Variants in IMMP2L observed in about 807,000 individuals in gnomAD.
IMMP2L encodes the protein inner mitochondrial membrane peptidase subunit 2, also known as mitochondrial inner membrane protease subunit 2.
In IMMP2L, 18 loss-of-function variants were observed where a neutral mutation model predicts 19.3. That is an observed-to-expected ratio of 0.93 (90% CI 0.64 to 1.38). IMMP2L has a LOEUF of 1.38. Ranked by LOEUF, IMMP2L falls within the 40% of genes most tolerant of loss-of-function variation. The probability of loss-of-function intolerance (pLI) is 0.00; values close to 1 mark genes in which losing one functional copy is unlikely to be tolerated. For missense variants in IMMP2L, 233 were observed against 218.2 expected, an observed-to-expected ratio of 1.07 and a Z score of -0.43; for synonymous variants, 76 against 73.0, an observed-to-expected ratio of 1.04 and a Z score of -0.21.
At chr7:110,891,490 GCTGACAAGAACC>G (rs1810793991) in intron 4 of IMMP2L, among the ~76,000 whole-genome samples, 3 of 152,134 alleles carry the variant, frequency 2.0e-5, no homozygotes, top group Admixed American at 1.3e-4. Flanking sequence ...ATAAATCCCA[GCTGACAAGAACC>G]CACAATCCAA....
intron 4 of IMMP2L, among the ~76,000 whole-genome samples, chr7:110,920,480 AG>A (rs1814142489): frequency 1.3e-5 from 2 of 152,290 alleles, no homozygotes; most frequent in South Asian, 4.2e-4. Flanking sequence ...AATGCTTTAA[AG>A]TTTTTGAAAG....
intron 5 of IMMP2L, among the ~76,000 whole-genome samples, chr7:110,819,105 A>G (rs1802802127): frequency 8.4e-6 from 1 of 119,000 alleles, no homozygotes; most frequent in Non-Finnish European, 2.0e-5. Flanking sequence ...AACTTAAAGT[A>G]TAATAATAAC....
intron 3 of IMMP2L, among the ~76,000 whole-genome samples, chr7:111,179,435 C>T (rs1366886680): frequency 6.6e-6 from 1 of 151,822 alleles, no homozygotes; most frequent in East Asian, 1.9e-4. Flanking sequence ...TATGTGTGGC[C>T]CAAGACCATT....
chr7:110,799,032 CTTG>C (rs1801062587), intron 5 of IMMP2L, among the ~76,000 whole-genome samples: 1 of 151,818 alleles, frequency 6.6e-6, no homozygotes, highest in Non-Finnish European at 1.5e-5. Flanking sequence ...GTCAGTTAAG[CTTG>C]TTGTTTTCTA....
chr7:111,135,687 T>C (rs1018729697), intron 3 of IMMP2L, among the ~76,000 whole-genome samples: 1 of 152,220 alleles, frequency 6.6e-6, no homozygotes, highest in Non-Finnish European at 1.5e-5. Flanking sequence ...TTAGTATATT[T>C]TATTGCAGAA....
chr7:110,887,558 T>C (rs1810345837), intron 4 of IMMP2L, among the ~76,000 whole-genome samples: 3 of 149,774 alleles, frequency 2.0e-5, no homozygotes, highest in South Asian at 4.2e-4. Context: ...AATTTATTCA[T>C]TACAAGGGGT....
chr7:110,677,170 T>C (rs1792365315), intron 5 of IMMP2L, among the ~76,000 whole-genome samples: 1 of 152,158 alleles, frequency 6.6e-6, no homozygotes, highest in African/African-American at 2.4e-5. Flanking sequence ...AAATGATTCC[T>C]TTAATAAATA....
chr7:111,207,719 A>G (rs573590290), intron 3 of IMMP2L, among the ~76,000 whole-genome samples: 52 of 151,744 alleles, frequency 3.4e-4, no homozygotes, highest in African/African-American at 1.1e-3. Context: ...TATTTTTAGT[A>G]GAGACAAGGT....
chr7:110,761,264 C>T (rs144157593), intron 5 of IMMP2L, among the ~76,000 whole-genome samples: 12 of 152,190 alleles, frequency 7.9e-5, no homozygotes, highest in African/African-American at 2.4e-4. Flanking sequence ...TGGTAAAAAA[C>T]GAAAATATAG....
At chr7:111,214,439 T>G (rs1156759292) in intron 3 of IMMP2L, among the ~76,000 whole-genome samples, 1 of 140,838 alleles carries the variant, frequency 7.1e-6, no homozygotes, top group Non-Finnish European at 1.5e-5. Flanking sequence ...GCCTCCTGGG[T>G]TCAAGTGATT....
chr7:110,787,844 G>A (rs1800186735), intron 5 of IMMP2L, among the ~76,000 whole-genome samples: 1 of 151,246 alleles, frequency 6.6e-6, no homozygotes, highest in Non-Finnish European at 1.5e-5. Flanking sequence ...AAATGGTAAA[G>A]TTCCAGGAAG....
At chr7:110,729,503 T>C (rs754838349) in intron 5 of IMMP2L, among the ~76,000 whole-genome samples, 1 of 152,126 alleles carries the variant, frequency 6.6e-6, no homozygotes, top group Non-Finnish European at 1.5e-5. Flanking sequence ...CACATGGAGA[T>C]TGGAATTGGA....
intron 3 of IMMP2L, among the ~76,000 whole-genome samples, chr7:111,344,986 C>G (rs983837272): frequency 6.6e-6 from 1 of 152,044 alleles, no homozygotes; most frequent in South Asian, 2.1e-4. Flanking sequence ...GTCCCAGAAA[C>G]CCAGGGACTC....
intron 2 of IMMP2L, among the ~76,000 whole-genome samples, chr7:111,493,829 A>C (rs1843334686): frequency 6.6e-6 from 1 of 151,364 alleles, no homozygotes; most frequent in African/African-American, 2.4e-5. Context: ...CAACACGGTG[A>C]AACCCCGTCT....
rs555360163 is a variant in IMMP2L, at chr7:111,437,393, C to T, written c.239+49845G>A. On this transcript the variant is annotated intron_variant, in intron 3 of 5. Coordinates refer to ENST00000405709, the MANE Select transcript of IMMP2L (RefSeq NM_032549.4). The stretch of plus-strand genomic sequence containing the variant: ...CCGGGAGACAGAGGTTGCACTGAGC[C>T]GAGATCACGCCCATTGCCCCACAGA... 5.3e-5 allele frequency among the ~76,000 whole-genome samples: 8 copies of T among 151,872 alleles called. 1 individual carries two copies. The Middle Eastern group carries it at 0.017, about 323-fold the overall frequency.
intron 3 of IMMP2L, among the ~76,000 whole-genome samples, chr7:111,198,569 C>G (rs1809748016): frequency 1.3e-5 from 2 of 152,192 alleles, no homozygotes; most frequent in Non-Finnish European, 2.9e-5. Flanking sequence ...TGCAATCAAA[C>G]TGGAATCCAT....
At chr7:111,086,354 C>G (rs1438607638) in intron 3 of IMMP2L, among the ~76,000 whole-genome samples, 2 of 151,718 alleles carry the variant, frequency 1.3e-5, no homozygotes, top group African/African-American at 4.8e-5. Flanking sequence ...GTAGGAGGAA[C>G]ATTTGAGCCC....
At chr7:110,914,095 C>T (rs1039468678) in intron 4 of IMMP2L, among the ~76,000 whole-genome samples, 1 of 152,160 alleles carries the variant, frequency 6.6e-6, no homozygotes, top group Admixed American at 6.6e-5. Flanking sequence ...TCTTGACCAG[C>T]CTGCTTTTGC....
intron 3 of IMMP2L, among the ~76,000 whole-genome samples, chr7:111,402,390 C>T (rs759768406): frequency 3.0e-4 from 45 of 151,864 alleles, no homozygotes; most frequent in Non-Finnish European, 4.7e-4. Context: ...CTGCTTTTAT[C>T]ACTTTACTTG....
Sources: gnomAD v4.1 joint callset for allele counts (sites outside exome capture counted in the v4.1 genomes callset) on GRCh38, gnomAD v4.1.1 for gene constraint, MANE v1.5 for transcripts, NCBI Gene and HGNC (gene_info 2026-07-23, HGNC 2026-07-21) for gene names.